Variants in LRRK2 observed in about 807,000 individuals in gnomAD.
The protein encoded by LRRK2 is leucine-rich repeat serine/threonine-protein kinase 2.
In LRRK2, 203 loss-of-function variants were observed where a neutral mutation model predicts 302.6. That is an observed-to-expected ratio of 0.67 (90% CI 0.60 to 0.75). The LOEUF (loss-of-function observed/expected upper bound fraction) is 0.75. Ranked by LOEUF, LRRK2 falls within the 30% of genes least tolerant of loss-of-function variation. The pLI, the probability that LRRK2 is intolerant of heterozygous loss-of-function variation, is 0.00. For synonymous variants in LRRK2, 1,066 were observed against 1,031.9 expected (o/e 1.03, Z -0.63); for missense variants, 2,830 against 2,951.0 (o/e 0.96, Z 0.95).
At chr12:40,245,569 G>A (rs1215421337) in intron 7 of LRRK2, among the ~76,000 whole-genome samples, 1 of 152,014 alleles carries the variant, frequency 6.6e-6, no homozygotes, top group Non-Finnish European at 1.5e-5. Context: ...GGATTAACTT[G>A]TCCAGTTCCT....
intron 32 of LRRK2, 36 bp from the exon 33 acceptor site, chr12:40,315,176 T>G: frequency 6.6e-7 from 1 of 1,523,132 alleles, no homozygotes; most frequent in Non-Finnish European, 9.1e-7. Context: ...TTGTTCTAGA[T>G]TCCATGTTTC....
chr12:40,244,953 A>G (rs1230250611), intron 7 of LRRK2, among the ~76,000 whole-genome samples: 1 of 151,434 alleles, frequency 6.6e-6, no homozygotes, highest in Non-Finnish European at 1.5e-5. Flanking sequence ...TGTCTATTTG[A>G]AGTTTCAAAG....
At chr12:40,335,206 A>G in intron 40 of LRRK2, 49 bp downstream of exon 40, 1 of 1,595,440 alleles carries the variant, frequency 6.3e-7, no homozygotes. Context: ...AGTGTGATCC[A>G]GACTTGCTCT....
chr12:40,299,199 G>T lies in LRRK2; in HGVS notation c.3438G>T (p.Glu1146Asp), dbSNP rs769433623. The stretch of plus-strand genomic sequence containing the variant: ...AGAACCACATTTCATCCCTATCAGA[G>T]AACTTTCTTGAGGCTTGTCCTAAAG... ...LSKNHISSLS[E>D]NFLEACPKVE... The change falls in exon 25 of 51, where the codon GAG (glutamate) becomes GAT (aspartate). Residue 1146 changes from glutamate to aspartate, a missense_variant. Transcript: ENST00000298910. 1.2e-6 allele frequency: 2 copies of T among 1,613,544 alleles called. No individual in the cohort carries two copies. Among genetic ancestry groups the T allele is most frequent in the South Asian group, 1.1e-5 (1 of 91,072 alleles).
At chr12:40,343,420 G>A (rs527748855) in intron 41 of LRRK2, among the ~76,000 whole-genome samples, 5 of 152,140 alleles carry the variant, frequency 3.3e-5, no homozygotes, top group Non-Finnish European at 5.9e-5. Flanking sequence ...TATAGTCTTC[G>A]GGTAAATAAA....
intron 44 of LRRK2, among the ~76,000 whole-genome samples, chr12:40,354,040 C>T (rs932982516): frequency 3.9e-5 from 6 of 152,060 alleles, no homozygotes; most frequent in African/African-American, 1.4e-4. Context: ...GAACAATCTT[C>T]TTATATGGTT....
chr12:40,359,551 G>T, intron 47 of LRRK2, 107 bp downstream of exon 47: 1 of 945,048 alleles, frequency 1.1e-6, no homozygotes. Flanking sequence ...CTTTTAAAAT[G>T]CATAATTTAT....
chr12:40,234,196 C>T (rs1482651848), intron 3 of LRRK2, among the ~76,000 whole-genome samples: 3 of 151,978 alleles, frequency 2.0e-5, no homozygotes, highest in Non-Finnish European at 2.9e-5. Flanking sequence ...GATTATGCAA[C>T]GTTTCTTGAA....
At chr12:40,260,543 C>A (rs1942723159) in intron 13 of LRRK2, among the ~76,000 whole-genome samples, 3 of 151,642 alleles carry the variant, frequency 2.0e-5, no homozygotes, top group African/African-American at 7.3e-5. Context: ...AAGGCTGAGG[C>A]CCAAAGAAAA....
chr12:40,304,193 T>C (rs1565732904), intron 27 of LRRK2, 59 bp downstream of exon 27: 1 of 1,537,714 alleles, frequency 6.5e-7, no homozygotes, highest in Non-Finnish European at 8.9e-7. Context: ...TTACAAATTA[T>C]CATTTTAAGT....
At chr12:40,305,689 G>C (rs866786390) in intron 27 of LRRK2, 96 bp from the exon 28 acceptor site, 2 of 1,064,764 alleles carry the variant, frequency 1.9e-6, no homozygotes, top group South Asian at 1.3e-5. Flanking sequence ...GCTGCTGATG[G>C]AATCTGTGAG....
At chr12:40,263,203 C>T (rs1383973616) in intron 13 of LRRK2, among the ~76,000 whole-genome samples, 2 of 152,020 alleles carry the variant, frequency 1.3e-5, no homozygotes, top group African/African-American at 4.8e-5. Context: ...ACATTTTTGA[C>T]TTGTAGTGTT....
At chr12:40,259,283 A>G (rs1398764650) in intron 12 of LRRK2, among the ~76,000 whole-genome samples, 197 bp from the exon 13 acceptor site, 1 of 152,226 alleles carries the variant, frequency 6.6e-6, no homozygotes, top group Non-Finnish European at 1.5e-5. Context: ...CCGGATTACT[A>G]TGAATTCTAT....
At chr12:40,328,274 C>G in intron 38 of LRRK2, 86 bp from the exon 39 acceptor site, 1 of 1,014,030 alleles carries the variant, frequency 9.9e-7, no homozygotes, top group Non-Finnish European at 1.5e-6. Context: ...AAATTTACAA[C>G]AGATATAATT....
At chr12:40,265,153 G>C (rs776234130) in intron 14 of LRRK2, among the ~76,000 whole-genome samples, 13 of 152,106 alleles carry the variant, frequency 8.5e-5, no homozygotes, top group Non-Finnish European at 1.5e-4. Context: ...CAATCCTTGA[G>C]TATGGCAAGA....
chr12:40,351,452 G>T, intron 43 of LRRK2, 87 bp from the exon 44 acceptor site: 1 of 1,302,246 alleles, frequency 7.7e-7, no homozygotes, highest in South Asian at 1.2e-5. Flanking sequence ...GCTTGACAGA[G>T]CTATAACACT....
chr12:40,360,169 G>T (rs753334015), intron 47 of LRRK2, among the ~76,000 whole-genome samples: 1 of 152,068 alleles, frequency 6.6e-6, no homozygotes, highest in Non-Finnish European at 1.5e-5. Context: ...TCTCTTACCT[G>T]AGGATTGTAA....
At chr12:40,327,300 C>T (rs191455302) in intron 38 of LRRK2, among the ~76,000 whole-genome samples, 13 of 152,204 alleles carry the variant, frequency 8.5e-5, no homozygotes, top group Admixed American at 7.2e-4. Context: ...TTGGCTATTG[C>T]GGTTTGTCTA....
chr12:40,342,781 A>G (rs1362941225), intron 41 of LRRK2, among the ~76,000 whole-genome samples: 2 of 152,160 alleles, frequency 1.3e-5, no homozygotes, highest in Non-Finnish European at 2.9e-5. Flanking sequence ...TTCTAGAGAA[A>G]CAAAAGACGA....
Sources: gnomAD v4.1 joint callset for allele counts (sites outside exome capture counted in the v4.1 genomes callset) on GRCh38, gnomAD v4.1.1 for gene constraint, MANE v1.5 for transcripts, NCBI Gene and HGNC (gene_info 2026-07-23, HGNC 2026-07-21) for gene names.